Variants in NAV2 observed in about 807,000 individuals in gnomAD.
The protein encoded by NAV2 is helicase, APC down-regulated 1.
NAV2 carries 54 observed loss-of-function variants against 223.2 expected under a neutral mutation model. That is an observed-to-expected ratio of 0.24 (90% CI 0.19 to 0.30). The LOEUF (loss-of-function observed/expected upper bound fraction) is 0.30, where lower values mean the gene tolerates loss of function less well. Ranked by LOEUF, NAV2 falls within the 10% of genes least tolerant of loss-of-function variation. The pLI is 1.00. For missense variants in NAV2, 2,806 were observed against 3,147.5 expected (o/e 0.89, Z 2.60); for synonymous variants, 1,279 against 1,239.3 (o/e 1.03, Z -0.67).
upstream of NAV2, among the ~76,000 whole-genome samples, chr11:19,350,501 C>T (rs1853249679): frequency 6.6e-6 from 1 of 152,250 alleles, no homozygotes; most frequent in Non-Finnish European, 1.5e-5. Context: ...GAGTCAGGGG[C>T]TGCCAGAGAG....
rs527801269 is a variant in NAV2, at chr11:19,482,991, C to T, written c.75+131964C>T. Among the ~76,000 whole-genome samples, 3 of 152,320 alleles carry T rather than the reference C, an allele frequency of 2.0e-5. No individual in the cohort carries two copies. The East Asian group carries it at 5.8e-4, about 29-fold the overall frequency. On this transcript the variant is annotated intron_variant, in intron 1 of 37. Transcript: ENST00000360655. ...CACCATGTCTCTCTTGGCTGTTGTG[C>T]ACCATTGCCTTTCCCACATCCCATG...
intron 7 of NAV2, among the ~76,000 whole-genome samples, chr11:19,938,972 A>C (rs2046167449): frequency 6.6e-6 from 1 of 152,258 alleles, no homozygotes; most frequent in Admixed American, 6.5e-5. Flanking sequence ...ATGCATTTGC[A>C]TGCCATGCCT....
chr11:19,919,569 A>C (rs1002530971), intron 6 of NAV2, among the ~76,000 whole-genome samples: 38 of 152,204 alleles, frequency 2.5e-4, no homozygotes, highest in African/African-American at 8.9e-4. Flanking sequence ...GCCACGTATG[A>C]AACTATGGCA....
chr11:19,817,167 C>T (rs2059134813), intron 1 of NAV2, among the ~76,000 whole-genome samples: 1 of 152,168 alleles, frequency 6.6e-6, no homozygotes, highest in Admixed American at 6.5e-5. Flanking sequence ...AAGCAATGTA[C>T]ACCTTATATA....
chr11:19,594,552 C>T (rs1403327738), intron 1 of NAV2, among the ~76,000 whole-genome samples: 1 of 151,768 alleles, frequency 6.6e-6, no homozygotes, highest in Admixed American at 6.6e-5. Flanking sequence ...TATGAGTTGT[C>T]GGTCCCAACA....
intron 1 of NAV2, among the ~76,000 whole-genome samples, chr11:19,560,802 C>T (rs1001582894): frequency 2.6e-5 from 4 of 152,054 alleles, no homozygotes; most frequent in African/African-American, 9.7e-5. Flanking sequence ...TAGAGTAGAC[C>T]AGATAGAAGA....
chr11:19,938,843 G>A (rs910703222), intron 7 of NAV2, among the ~76,000 whole-genome samples: 6 of 152,208 alleles, frequency 3.9e-5, no homozygotes, highest in Non-Finnish European at 7.3e-5. Context: ...TACATCCCCC[G>A]TGGTCCATTC....
intron 1 of NAV2, among the ~76,000 whole-genome samples, chr11:19,643,705 G>A (rs2047732111): frequency 6.6e-6 from 1 of 152,114 alleles, no homozygotes; most frequent in African/African-American, 2.4e-5. Flanking sequence ...GGGTCAAGTG[G>A]TATTTCTAGT....
chr11:19,945,204 T>TCCC (rs1451433538), intron 8 of NAV2, among the ~76,000 whole-genome samples: 2,733 of 51,828 alleles, frequency 0.053, 143 homozygotes, highest in Middle Eastern at 0.078. Flanking sequence ...TCCCTTCCCT[T>TCCC]TCTTTCCTTT....
intron 1 of NAV2, among the ~76,000 whole-genome samples, chr11:19,672,013 G>C (rs1422062169): frequency 6.6e-6 from 1 of 152,188 alleles, no homozygotes; most frequent in Non-Finnish European, 1.5e-5. Context: ...GCCACCAAGC[G>C]CTGTGGGAAT....
chr11:19,543,409 C>G lies in NAV2; in HGVS notation c.75+192382C>G, dbSNP rs1487191. Among the ~76,000 whole-genome samples the G allele has an allele frequency of 5.8e-3, 876 of 152,310 alleles. 7 individuals carry two copies. The highest frequency in any genetic ancestry group is 0.02 in the African/African-American group (821 of 41,560). ...ACGTAACAGTAATCATTGCTATCATCAGTGAAATGTCACTGGGCTTTTTGT... is the reference window on the plus strand; with the variant it reads ...ACGTAACAGTAATCATTGCTATCATGAGTGAAATGTCACTGGGCTTTTTGT... On this transcript the variant is annotated intron_variant, in intron 1 of 37. Transcript: ENST00000360655.
chr11:19,868,884 T>C (rs2062271521), intron 3 of NAV2, 41 bp from the exon 4 acceptor site: 2 of 1,600,048 alleles, frequency 1.2e-6, no homozygotes, highest in Non-Finnish European at 8.6e-7. Flanking sequence ...CTGGAGAGGC[T>C]GAACATTTAT....
chr11:19,369,082 G>T (rs1431334502), intron 1 of NAV2, among the ~76,000 whole-genome samples: 1 of 152,226 alleles, frequency 6.6e-6, no homozygotes, highest in Non-Finnish European at 1.5e-5. Context: ...CTAAATAGCA[G>T]AGCCGAGCTT....
intron 11 of NAV2, among the ~76,000 whole-genome samples, chr11:20,011,106 A>G (rs2053529694): frequency 6.6e-6 from 1 of 152,196 alleles, no homozygotes; most frequent in Non-Finnish European, 1.5e-5. Flanking sequence ...CCATCAAACT[A>G]GCAAAGACGA....
chr11:19,678,969 T>C (rs959302111), intron 1 of NAV2, among the ~76,000 whole-genome samples: 1 of 152,240 alleles, frequency 6.6e-6, no homozygotes, highest in African/African-American at 2.4e-5. Context: ...ATCTGTTATG[T>C]TGACTAATAT....
chr11:19,676,075 A>C (rs761722507), intron 1 of NAV2, among the ~76,000 whole-genome samples: 3 of 152,108 alleles, frequency 2.0e-5, no homozygotes, highest in Non-Finnish European at 4.4e-5. Flanking sequence ...CCACCCTGAG[A>C]GCCTTGTTCT....
intron 1 of NAV2, among the ~76,000 whole-genome samples, chr11:19,449,681 C>T (rs1851720248): frequency 6.6e-6 from 1 of 152,076 alleles, no homozygotes; most frequent in Non-Finnish European, 1.5e-5. Flanking sequence ...TTATTATAGT[C>T]TGTTTCCATG....
intron 1 of NAV2, among the ~76,000 whole-genome samples, chr11:19,758,208 G>T (rs1254906801): frequency 2.0e-5 from 3 of 152,136 alleles, no homozygotes; most frequent in African/African-American, 7.2e-5. Flanking sequence ...AAAACAGGAG[G>T]GTCCTGCCCT....
chr11:19,775,479 G>A (rs2056085388), intron 1 of NAV2, among the ~76,000 whole-genome samples: 1 of 152,186 alleles, frequency 6.6e-6, no homozygotes, highest in Non-Finnish European at 1.5e-5. Flanking sequence ...CCTTTCATTT[G>A]GGAAACATTT....
Sources: allele counts gnomAD v4.1 joint callset (sites outside exome capture counted in the v4.1 genomes callset), GRCh38; gene constraint gnomAD v4.1.1; transcripts MANE v1.5; gene names NCBI Gene and HGNC (gene_info 2026-07-23, HGNC 2026-07-21).